TMEM267: variants seen among roughly 807,000 people sequenced by gnomAD.
TMEM267 encodes the protein transmembrane protein C5orf28.
TMEM267 carries 20 observed loss-of-function variants against 19.3 expected under a neutral mutation model. That is an observed-to-expected ratio of 1.04 (90% CI 0.73 to 1.51). The LOEUF (loss-of-function observed/expected upper bound fraction) is 1.51, where lower values mean the gene tolerates loss of function less well. TMEM267 is among the 40% of genes most tolerant of loss of function. The probability of loss-of-function intolerance (pLI) is 0.00; values close to 1 mark genes in which losing one functional copy is unlikely to be tolerated. For synonymous variants in TMEM267, 88 were observed against 90.3 expected (o/e 0.97, Z 0.15); for missense variants, 242 against 261.9 (o/e 0.92, Z 0.52).
chr5:43,452,447 A>G (rs7736108), intron 2 of TMEM267, among the ~76,000 whole-genome samples: 73,852 of 151,872 alleles, frequency 0.49, 18,805 homozygotes, highest in Middle Eastern at 0.63. Flanking sequence ...GGAGACTCCA[A>G]GAGGTGGGAG....
chr5:43,475,564 GT>G (rs1416197999), intron 1 of TMEM267, among the ~76,000 whole-genome samples: 7 of 152,096 alleles, frequency 4.6e-5, no homozygotes, highest in African/African-American at 1.7e-4. Flanking sequence ...TTATAACATC[GT>G]TTTGGCGGTT....
chr5:43,454,850 T>C (rs1742851843), intron 1 of TMEM267, among the ~76,000 whole-genome samples: 2 of 152,232 alleles, frequency 1.3e-5, no homozygotes, highest in Non-Finnish European at 2.9e-5. Flanking sequence ...AGTTCTCACA[T>C]GGCACAGAAT....
chr5:43,446,093 G>C lies in TMEM267; in HGVS notation c.*129C>G. ...AAAGTTGTATACACTTCCTGAGCAA[G>C]AGGATTGCAGAATTATAATAACTAA... On this transcript the variant is annotated 3_prime_UTR_variant, in exon 3 of 3. Coordinates refer to ENST00000397080, the MANE Select transcript of TMEM267 (RefSeq NM_022483.5). 1 of 585,494 alleles carries C rather than the reference G, an allele frequency of 1.7e-6. No homozygotes were observed. Among genetic ancestry groups the C allele is most frequent in the East Asian group, 2.9e-5 (1 of 34,280 alleles). The allele number at this position is 585,494 out of a possible 1,614,324, so 36.3% of individuals were successfully genotyped here.
At chr5:43,483,145 CAACT>C (rs751136109) in intron 1 of TMEM267, among the ~76,000 whole-genome samples, 82 of 152,294 alleles carry the variant, frequency 5.4e-4, no homozygotes, top group Non-Finnish European at 1.0e-3. Context: ...AAATCTGATG[CAACT>C]AACTGACAAA....
chr5:43,472,245 C>T (rs1744123227), intron 1 of TMEM267, among the ~76,000 whole-genome samples: 2 of 152,038 alleles, frequency 1.3e-5, no homozygotes, highest in African/African-American at 4.8e-5. Context: ...AATGAGGTAT[C>T]ATCTCCCCCA....
intron 1 of TMEM267, among the ~76,000 whole-genome samples, chr5:43,465,665 G>A (rs1743612851): frequency 6.6e-6 from 1 of 152,196 alleles, no homozygotes; most frequent in Admixed American, 6.5e-5. Flanking sequence ...TAGGGACATG[G>A]ATGAAACTGG....
chr5:43,452,746 A>G (rs536203770), intron 2 of TMEM267, among the ~76,000 whole-genome samples: 1 of 152,330 alleles, frequency 6.6e-6, no homozygotes, highest in East Asian at 1.9e-4. Flanking sequence ...CTGATTCTTT[A>G]CTGATTAAGT....
At chr5:43,447,584 T>C (rs539990326) in intron 2 of TMEM267, among the ~76,000 whole-genome samples, 1 of 152,176 alleles carries the variant, frequency 6.6e-6, no homozygotes, top group Non-Finnish European at 1.5e-5. Flanking sequence ...TCTGAATCTC[T>C]GCACATATCC....
At position 43,444,875 on chromosome 5, in the gene TMEM267, A is replaced by T. The variant is rs191481839; in HGVS notation, c.*1347T>A. 1 of 152,278 alleles carries T rather than the reference A, an allele frequency of 6.6e-6. No individual in the cohort carries two copies. Among genetic ancestry groups the T allele is most frequent in the African/African-American group, 2.4e-5 (1 of 41,568 alleles). The allele number at this position is 152,278 out of a possible 1,614,324, so 9.4% of individuals were successfully genotyped here. On this transcript the variant is annotated 3_prime_UTR_variant, in exon 3 of 3. Transcript: ENST00000397080. Reference sequence around the variant, plus strand: ...TATAATAGATTGCAACCAATTTGTTAACAACAAGAAAAAAAACTCCCCTAA... The same window carrying T: ...TATAATAGATTGCAACCAATTTGTTTACAACAAGAAAAAAAACTCCCCTAA...
At position 43,471,579 on chromosome 5, in the gene TMEM267, T is replaced by C. The variant is rs1021407357; in HGVS notation, c.-75+12243A>G. Among the ~76,000 whole-genome samples the C allele has an allele frequency of 3.3e-5, 5 of 152,132 alleles. No individual in the cohort carries two copies. In the East Asian group the frequency reaches 5.8e-4, roughly 18 times the overall value. On this transcript the variant is annotated intron_variant, in intron 1 of 2. Coordinates refer to ENST00000397080, the MANE Select transcript of TMEM267 (RefSeq NM_022483.5). ...TATAGTAACCAAAACAGCATGGTTC[T>C]GACATAAAAACAGACACATCAGCCA...
At chr5:43,483,993 T>C, upstream of TMEM267, 1 of 152,314 alleles carries the variant, frequency 6.6e-6, no homozygotes, top group Non-Finnish European at 1.5e-5. Flanking sequence ...GCATGAGTTG[T>C]TTGGTGCGGT....
At position 43,453,719 on chromosome 5, in the gene TMEM267, C is replaced by T; in HGVS notation, c.251G>A (p.Gly84Glu). The change falls in exon 2 of 3, where the codon GGA (glycine) becomes GAA (glutamate). Residue 84 changes from glycine (G) to glutamate (E), a missense_variant. Transcript: ENST00000397080. ...TACATCAATAACAGAGGCTAAAAAT[C>T]CAGCTAAAATGATTTCTCCAAAGTC... ...KTDFGEIILA[G>E]FLASVIDVDH... 6.2e-7 allele frequency: 1 copy of T among 1,614,054 alleles called. No homozygotes were observed.
At chr5:43,448,246 G>A (rs1742371220) in intron 2 of TMEM267, among the ~76,000 whole-genome samples, 1 of 152,036 alleles carries the variant, frequency 6.6e-6, no homozygotes, top group East Asian at 1.9e-4. Context: ...TCCACATTTT[G>A]TTTTACTTCT....
At chr5:43,479,856 G>A (rs1334435095) in intron 1 of TMEM267, 5 of 443,914 alleles carry the variant, frequency 1.1e-5, no homozygotes, top group Non-Finnish European at 2.2e-5. Context: ...TCAACCAAGA[G>A]ATGTGACCAA....
chr5:43,483,289 A>T (rs1243341588), intron 1 of TMEM267, among the ~76,000 whole-genome samples: 2 of 152,234 alleles, frequency 1.3e-5, no homozygotes, highest in African/African-American at 4.8e-5. Flanking sequence ...TTCAAGCCTC[A>T]GAAGTTCCCA....
In TMEM267 at chr5:43,482,662, T is replaced by C. The variant is rs372841512; in HGVS notation, c.-75+1160A>G. 1.2e-4 allele frequency among the ~76,000 whole-genome samples: 19 copies of C among 152,346 alleles called. No individual in the cohort carries two copies. The East Asian group carries it at 1.3e-3, about 11-fold the overall frequency. ...TAAAGATACTGTTTGGGATAGCTTC[T>C]CTGACATAACTGACATATTATAAAT... On this transcript the variant is annotated intron_variant, in intron 1 of 2. Coordinates refer to ENST00000397080, the MANE Select transcript of TMEM267 (RefSeq NM_022483.5).
chr5:43,451,999 G>T (rs1169103963), intron 2 of TMEM267, among the ~76,000 whole-genome samples: 3 of 144,614 alleles, frequency 2.1e-5, no homozygotes, highest in Non-Finnish European at 4.5e-5. Context: ...AATTGCCTGA[G>T]CCCAAGAGGT....
At chr5:43,477,590 CAAAA>C (rs10717949) in intron 1 of TMEM267, among the ~76,000 whole-genome samples, 3 of 80,612 alleles carry the variant, frequency 3.7e-5, no homozygotes, top group African/African-American at 4.7e-5. Flanking sequence ...GACTCCGTCT[CAAAA>C]AAAAAAAAAA....
chr5:43,457,105 A>G (rs1484527875), intron 1 of TMEM267, among the ~76,000 whole-genome samples: 2 of 152,266 alleles, frequency 1.3e-5, no homozygotes, highest in Non-Finnish European at 2.9e-5. Context: ...AGTCAAACAA[A>G]CAAAAATTAC....
Sources: allele counts gnomAD v4.1 joint callset (sites outside exome capture counted in the v4.1 genomes callset), GRCh38; gene constraint gnomAD v4.1.1; transcripts MANE v1.5; gene names NCBI Gene and HGNC (gene_info 2026-07-23, HGNC 2026-07-21).